Variants in ALKBH8 observed in about 807,000 individuals in gnomAD.
ALKBH8 encodes the protein alkB homolog 8, tRNA methyltransferase.
ALKBH8 carries 36 observed loss-of-function variants against 59.8 expected under a neutral mutation model. That is an observed-to-expected ratio of 0.60 (90% confidence interval 0.46 to 0.79). ALKBH8 has a LOEUF of 0.79. ALKBH8 is among the 30% of genes least tolerant of loss of function. ALKBH8 has a pLI of 0.00. For missense variants in ALKBH8, 768 were observed against 801.0 expected (o/e 0.96, Z 0.50); for synonymous variants, 276 against 273.6 (o/e 1.01, Z -0.09).
At chr11:107,517,255 CA>C (rs1363764386) in intron 10 of ALKBH8, among the ~76,000 whole-genome samples, 2 of 151,988 alleles carry the variant, frequency 1.3e-5, no homozygotes, top group East Asian at 3.9e-4. Context: ...ATCAAAGAGA[CA>C]AAAGATAACA....
intron 10 of ALKBH8, among the ~76,000 whole-genome samples, chr11:107,514,779 C>G (rs539060403): frequency 6.6e-6 from 1 of 151,930 alleles, no homozygotes; most frequent in South Asian, 2.1e-4. Flanking sequence ...TGAAAGATAG[C>G]TATACCTTGC....
rs1391850179 is a variant in ALKBH8, at chr11:107,532,292, A to C, written c.878+8T>G. 3.1e-6 allele frequency: 5 copies of C among 1,606,830 alleles called. No homozygotes were observed. Among genetic ancestry groups the C allele is most frequent in the African/African-American group, 1.3e-5 (1 of 74,746 alleles). On this transcript the variant is annotated splice_region_variant and intron_variant, in intron 8 of 11. Transcript: ENST00000428149. ...AGAAAAAGAATCCTGTCATATTTCA[A>C]TACATACCCATGGGTCCAAAGGTAT...
rs1862255234 is a variant in ALKBH8 at position 107,503,477 on chromosome 11, A to C, written c.*1181T>G. 6.6e-6 allele frequency: 1 copy of C among 152,198 alleles called. No homozygotes were observed. The highest frequency in any genetic ancestry group is 6.5e-5 in the Admixed American group (1 of 15,270). 9.4% of individuals were successfully genotyped at this position (152,198 alleles called of 1,614,324 possible). Reference sequence around the variant, plus strand: ...CAAAAGTAATGCATACTGGGAGTAAAGTGTTCAAAAAATTTTTTCTTTGAA... The same window carrying C: ...CAAAAGTAATGCATACTGGGAGTAACGTGTTCAAAAAATTTTTTCTTTGAA... On this transcript the variant is annotated 3_prime_UTR_variant, in exon 12 of 12. Coordinates refer to ENST00000428149, the MANE Select transcript of ALKBH8 (RefSeq NM_138775.3).
At chr11:107,549,726 T>G in intron 7 of ALKBH8, 27 bp downstream of exon 7, 1 of 1,465,600 alleles carries the variant, frequency 6.8e-7, no homozygotes, top group Non-Finnish European at 9.3e-7. Context: ...AGATATATGA[T>G]GATAGCTAAT....
intron 2 of ALKBH8, among the ~76,000 whole-genome samples, chr11:107,559,000 A>C (rs1864825899): frequency 6.6e-6 from 1 of 152,182 alleles, no homozygotes; most frequent in Admixed American, 6.5e-5. Context: ...TGTGGGAGGG[A>C]CCCACTGGGA....
At chr11:107,543,004 C>T (rs1365816800) in intron 7 of ALKBH8, among the ~76,000 whole-genome samples, 7 of 152,202 alleles carry the variant, frequency 4.6e-5, no homozygotes, top group East Asian at 3.9e-4. Context: ...GATTTTGTTC[C>T]GTATGGGAGA....
intron 7 of ALKBH8, among the ~76,000 whole-genome samples, chr11:107,543,309 T>C (rs1291489834): frequency 6.6e-6 from 1 of 152,014 alleles, no homozygotes; most frequent in African/African-American, 2.4e-5. Context: ...CACTCCAGCC[T>C]GGACAACAGA....
Position 107,504,782 on chromosome 11 carries a change from T to A in ALKBH8, c.1871A>T (p.His624Leu), listed in dbSNP as rs1192213603. ...CTCACGGAACACATGGTAGTAACGA[T>A]GAAACACAGGACTTGGGTCCTGGGA... Reference protein sequence around the residue: ...IGSQDPSPVFHRYYHVFREGE... With the variant: ...IGSQDPSPVFLRYYHVFREGE... The change falls in exon 12 of 12, where the codon CAT becomes CTT. Residue 624 changes from histidine (H) to leucine (L), a missense_variant. Transcript: ENST00000428149. 1 of 1,552,028 alleles carries A rather than the reference T, an allele frequency of 6.4e-7. No homozygotes were observed. The highest frequency in any genetic ancestry group is 8.7e-7 in the Non-Finnish European group (1 of 1,147,028).
chr11:107,527,279 A>T (rs1184458975), intron 8 of ALKBH8, among the ~76,000 whole-genome samples: 1 of 151,956 alleles, frequency 6.6e-6, no homozygotes, highest in Non-Finnish European at 1.5e-5. Context: ...AGGCAAGGTT[A>T]TCTCTCTATG....
At chr11:107,518,071 AAAAAT>A (rs1350295069) in intron 10 of ALKBH8, among the ~76,000 whole-genome samples, 5 of 143,884 alleles carry the variant, frequency 3.5e-5, no homozygotes, top group Non-Finnish European at 7.9e-5. Context: ...ACTTTAATTT[AAAAAT>A]AAAATACAGA....
chr11:107,537,156 A>T (rs1370661827), intron 7 of ALKBH8, among the ~76,000 whole-genome samples: 1 of 152,270 alleles, frequency 6.6e-6, no homozygotes, highest in Non-Finnish European at 1.5e-5. Context: ...GCACAAATCA[A>T]GAAGTGAAAC....
chr11:107,522,357 A>G lies in ALKBH8; in HGVS notation c.1229T>C (p.Val410Ala), dbSNP rs557574244. ...FLKALPSGSI[V>A]ADIGCGNGKY... ...TCCATTACCACATCCAATATCAGCCACTATTGAACCACTTGGCAAAGCCTT... is the reference window on the plus strand; with the variant it reads ...TCCATTACCACATCCAATATCAGCCGCTATTGAACCACTTGGCAAAGCCTT... The change falls in exon 10 of 12, where the codon GTG becomes GCG. Residue 410 changes from valine to alanine, a missense_variant. By Grantham distance (64) the Val-to-Ala change is moderately conservative. Coordinates refer to ENST00000428149, the MANE Select transcript of ALKBH8 (RefSeq NM_138775.3). 2 of 1,551,664 alleles carry G rather than the reference A, an allele frequency of 1.3e-6. No homozygotes were observed. Among genetic ancestry groups the G allele is most frequent in the East Asian group, 2.4e-5 (1 of 40,906 alleles).
chr11:107,535,612 T>C (rs900712119), intron 7 of ALKBH8, among the ~76,000 whole-genome samples: 6 of 152,190 alleles, frequency 3.9e-5, no homozygotes, highest in African/African-American at 1.4e-4. Flanking sequence ...TTGTTTGTTT[T>C]TTTCTCACTG....
At chr11:107,516,619 C>T (rs1862873522) in intron 10 of ALKBH8, among the ~76,000 whole-genome samples, 1 of 152,106 alleles carries the variant, frequency 6.6e-6, no homozygotes, top group Admixed American at 6.5e-5. Context: ...TTAGATCAAA[C>T]TAAAAAGCTT....
At position 107,525,591 on chromosome 11, in the gene ALKBH8, T is replaced by G; in HGVS notation, c.880A>C (p.Ile294Leu). ...GESRYLWTHGITCRKFDTVQA... is the reference protein window; with the variant it reads ...GESRYLWTHGLTCRKFDTVQA... ...ACAGTATCAAATTTTCTGCACGTGA[T>G]TCTAAAAACAATAGTCAAAAAAATT... Residue 294 changes from isoleucine (I) to leucine (L), a missense_variant and splice_region_variant, in exon 9 of 12, where the codon ATC (isoleucine) becomes CTC (leucine). Coordinates refer to ENST00000428149, the MANE Select transcript of ALKBH8 (RefSeq NM_138775.3). 1 of 1,378,026 alleles carries G rather than the reference T, an allele frequency of 7.3e-7. No individual in the cohort carries two copies. 85.4% of individuals were successfully genotyped at this position (1,378,026 alleles called of 1,614,324 possible). A position where few individuals can be genotyped will look rare whatever the true frequency, so the allele number is the denominator to read the frequency against.
intron 9 of ALKBH8, among the ~76,000 whole-genome samples, chr11:107,523,514 G>A (rs912876010): frequency 6.6e-6 from 1 of 151,738 alleles, no homozygotes; most frequent in African/African-American, 2.4e-5. Context: ...CAGTGAGATA[G>A]AATAAGTCCC....
chr11:107,539,299 G>T (rs1314975069), intron 7 of ALKBH8, among the ~76,000 whole-genome samples: 3 of 152,116 alleles, frequency 2.0e-5, no homozygotes, highest in African/African-American at 7.2e-5. Flanking sequence ...TTTAGAATAG[G>T]TTAAAATCAA....
Position 107,536,901 on chromosome 11 carries a change from C to G in ALKBH8, c.772-4495G>C, listed in dbSNP as rs545084879. On this transcript the variant is annotated intron_variant, in intron 7 of 11. Transcript: ENST00000428149. ...ATGCAAATAGGCATAAGAGCATAAC[C>G]AGCCAGGGACGTTTGACCCCTTCAT... is the stretch of plus-strand genomic sequence containing the variant. 1.8e-4 allele frequency among the ~76,000 whole-genome samples: 27 copies of G among 152,226 alleles called. No homozygotes were observed. In the East Asian group the frequency reaches 5.2e-3, roughly 29 times the overall value.
chr11:107,551,081 C>A (rs1482553875), intron 6 of ALKBH8, among the ~76,000 whole-genome samples: 1 of 152,180 alleles, frequency 6.6e-6, no homozygotes, highest in African/African-American at 2.4e-5. Context: ...AGAATGTCAT[C>A]CTGCAATTGT....
Sources: allele counts gnomAD v4.1 joint callset (sites outside exome capture counted in the v4.1 genomes callset), GRCh38; gene constraint gnomAD v4.1.1; transcripts MANE v1.5; gene names NCBI Gene and HGNC (gene_info 2026-07-23, HGNC 2026-07-21).